PARD3: variants seen among roughly 807,000 people sequenced by gnomAD.
PARD3 encodes the protein partitioning defective 3 homolog.
PARD3 carries 75 observed loss-of-function variants against 155.4 expected under a neutral mutation model. The ratio of observed to expected loss-of-function variants is 0.48; its 90% CI spans 0.40 to 0.58. The LOEUF (loss-of-function observed/expected upper bound fraction) is 0.58. Ranked by LOEUF, PARD3 falls within the 20% of genes least tolerant of loss-of-function variation. The pLI, the probability that PARD3 is intolerant of heterozygous loss-of-function variation, is 0.00. For missense variants in PARD3, 1,642 were observed against 1,721.7 expected, an observed-to-expected ratio of 0.95 and a Z score of 0.82; for synonymous variants, 576 against 610.5, an observed-to-expected ratio of 0.94 and a Z score of 0.83.
rs143056769 is a variant in PARD3, at chr10:34,608,349, G to A, written c.222+87969C>T. On this transcript the variant is annotated intron_variant, in intron 2 of 24. Coordinates refer to ENST00000374788, the MANE Select transcript of PARD3 (RefSeq NM_001184785.2). ...GCGTAAGAGATAATACAAACGTTGG[G>A]AAAGATGGAAATCATTGTATTCTCC... 1.3e-3 allele frequency among the ~76,000 whole-genome samples: 194 copies of A among 152,182 alleles called. 1 individual carries two copies. The highest frequency in any genetic ancestry group is 2.4e-3 in the Non-Finnish European group (162 of 68,018).
chr10:34,335,836 C>T (rs879679692), intron 18 of PARD3, among the ~76,000 whole-genome samples: 4 of 151,978 alleles, frequency 2.6e-5, no homozygotes, highest in Non-Finnish European at 5.9e-5. Flanking sequence ...TGGATGTTAA[C>T]CTAGACATCA....
intron 1 of PARD3, among the ~76,000 whole-genome samples, chr10:34,744,013 A>G (rs554527241): frequency 1.3e-5 from 2 of 152,122 alleles, no homozygotes; most frequent in South Asian, 2.1e-4. Context: ...ATCTCCAGAC[A>G]CTCTGAGCCC....
intron 2 of PARD3, among the ~76,000 whole-genome samples, chr10:34,663,023 C>T (rs541437775): frequency 6.6e-6 from 1 of 152,202 alleles, no homozygotes; most frequent in South Asian, 2.1e-4. Flanking sequence ...ATGATGGTTA[C>T]CAGAGGCTGG....
chr10:34,335,136 G>A (rs867394366), intron 18 of PARD3, among the ~76,000 whole-genome samples: 4 of 151,550 alleles, frequency 2.6e-5, no homozygotes, highest in Non-Finnish European at 5.9e-5. Flanking sequence ...TAAACTTTAG[G>A]TTTCATAAGA....
chr10:34,572,533 G>A (rs2086503357), intron 2 of PARD3, among the ~76,000 whole-genome samples: 2 of 151,906 alleles, frequency 1.3e-5, no homozygotes, highest in Non-Finnish European at 2.9e-5. Context: ...CAGCTACTCA[G>A]GAGGCTGAGA....
intron 12 of PARD3, among the ~76,000 whole-genome samples, chr10:34,371,340 G>A (rs1485830028): frequency 6.6e-6 from 1 of 151,326 alleles, no homozygotes; most frequent in African/African-American, 2.4e-5. Flanking sequence ...TATTAATGTG[G>A]AATATTCTCA....
intron 22 of PARD3, among the ~76,000 whole-genome samples, chr10:34,226,243 G>C (rs1022884965): frequency 6.6e-6 from 1 of 152,158 alleles, no homozygotes; most frequent in African/African-American, 2.4e-5. Context: ...CACTAGGATG[G>C]CTATAATAAA....
At chr10:34,684,508 GTCCCTACC>G (rs1421095433) in intron 2 of PARD3, among the ~76,000 whole-genome samples, 2 of 151,988 alleles carry the variant, frequency 1.3e-5, no homozygotes, top group African/African-American at 2.4e-5. Flanking sequence ...CCTCGCAGCA[GTCCCTACC>G]TTGGTGAATG....
intron 22 of PARD3, among the ~76,000 whole-genome samples, chr10:34,156,052 A>G (rs1036468336): frequency 6.6e-6 from 1 of 150,850 alleles, no homozygotes; most frequent in Non-Finnish European, 1.5e-5. Context: ...TATGCATGCC[A>G]TGTGACCTCA....
At chr10:34,304,104 G>A (rs929013387) in intron 20 of PARD3, among the ~76,000 whole-genome samples, 1 of 152,148 alleles carries the variant, frequency 6.6e-6, no homozygotes, top group African/African-American at 2.4e-5. Context: ...GAGCAGGGAT[G>A]GCTGCCATCG....
chr10:34,635,603 GTCTGCTAAATGGTCCAT>G (rs1380754554), intron 2 of PARD3, among the ~76,000 whole-genome samples: 2 of 152,174 alleles, frequency 1.3e-5, no homozygotes, highest in Non-Finnish European at 2.9e-5. Flanking sequence ...CACCAACCAA[GTCTGCTAAATGGTCCAT>G]TCCTTGAGGT....
chr10:34,581,012 CT>C (rs1156360592), intron 2 of PARD3, among the ~76,000 whole-genome samples: 4 of 152,108 alleles, frequency 2.6e-5, no homozygotes, highest in Admixed American at 6.5e-5. Flanking sequence ...ATATTGTTTT[CT>C]TTCCCCCAAC....
At chr10:34,757,068 T>C (rs1836834318) in intron 1 of PARD3, among the ~76,000 whole-genome samples, 1 of 152,238 alleles carries the variant, frequency 6.6e-6, no homozygotes, top group Admixed American at 6.5e-5. Context: ...ATTCCTCTGG[T>C]AGGTGCAATG....
chr10:34,791,303 C>T (rs1588766431), intron 1 of PARD3, among the ~76,000 whole-genome samples: 2 of 152,186 alleles, frequency 1.3e-5, no homozygotes, highest in Non-Finnish European at 2.9e-5. Flanking sequence ...TGAGTCTCAT[C>T]ACCTGCGTCC....
intron 2 of PARD3, among the ~76,000 whole-genome samples, chr10:34,571,145 T>C (rs2086361331): frequency 1.3e-5 from 2 of 152,108 alleles, no homozygotes; most frequent in Admixed American, 1.3e-4. Context: ...ACCCTATCTC[T>C]ACAAAAAATT....
At chr10:34,325,793 G>T (rs1319993656) in intron 19 of PARD3, among the ~76,000 whole-genome samples, 1 of 151,872 alleles carries the variant, frequency 6.6e-6, no homozygotes, top group African/African-American at 2.4e-5. Context: ...CAGTTCCTAA[G>T]TGTAATCTTA....
chr10:34,710,393 C>A (rs915300074), intron 1 of PARD3, among the ~76,000 whole-genome samples: 1 of 152,032 alleles, frequency 6.6e-6, no homozygotes, highest in African/African-American at 2.4e-5. Context: ...AAATATTTAT[C>A]CTCTTAAATA....
intron 23 of PARD3, among the ~76,000 whole-genome samples, chr10:34,121,658 A>G (rs767654051): frequency 1.3e-5 from 2 of 152,264 alleles, no homozygotes; most frequent in African/African-American, 2.4e-5. Context: ...AAGCCAGCAC[A>G]ACCTTACTTG....
At chr10:34,191,758 A>C (rs1950720102) in intron 22 of PARD3, among the ~76,000 whole-genome samples, 1 of 152,128 alleles carries the variant, frequency 6.6e-6, no homozygotes, top group Non-Finnish European at 1.5e-5. Context: ...GAGCAGATCC[A>C]ACTCCCCAGT....
Sources: gnomAD v4.1 joint callset for allele counts (sites outside exome capture counted in the v4.1 genomes callset) on GRCh38, gnomAD v4.1.1 for gene constraint, MANE v1.5 for transcripts, NCBI Gene and HGNC (gene_info 2026-07-23, HGNC 2026-07-21) for gene names.